Variants in RBM26 observed in about 807,000 individuals in gnomAD.
The protein encoded by RBM26 is RNA-binding protein 26.
A neutral mutation model predicts 123.6 loss-of-function variants in RBM26; 30 were observed. That is an observed-to-expected ratio of 0.24 (90% confidence interval 0.18 to 0.33). The LOEUF (loss-of-function observed/expected upper bound fraction) is 0.33, where lower values mean the gene tolerates loss of function less well. Ranked by LOEUF, RBM26 falls within the 10% of genes least tolerant of loss-of-function variation. The pLI is 1.00. For missense variants in RBM26, 947 were observed against 1,203.6 expected, an observed-to-expected ratio of 0.79 and a Z score of 3.15; for synonymous variants, 400 against 404.4, an observed-to-expected ratio of 0.99 and a Z score of 0.13.
At chr13:79,384,023 T>C (rs2077278979) in intron 1 of RBM26, among the ~76,000 whole-genome samples, 1 of 152,092 alleles carries the variant, frequency 6.6e-6, no homozygotes. Context: ...TTGACACATA[T>C]GAGGGACAGG....
chr13:79,346,391 A>G (rs1037587437), intron 14 of RBM26, among the ~76,000 whole-genome samples: 2 of 152,152 alleles, frequency 1.3e-5, no homozygotes, highest in Non-Finnish European at 2.9e-5. Flanking sequence ...CAATTATTAT[A>G]TTTGTGAGAC....
intron 9 of RBM26, among the ~76,000 whole-genome samples, chr13:79,361,883 C>G (rs2074729035): frequency 6.6e-6 from 1 of 152,090 alleles, no homozygotes; most frequent in East Asian, 1.9e-4. Flanking sequence ...TTCAGTGATT[C>G]TCAGTGGGGA....
chr13:79,319,970 T>C lies in RBM26; in HGVS notation c.*651A>G, dbSNP rs1267666446. The C allele has an allele frequency of 8.7e-6, 4 of 457,406 alleles. No individual in the cohort carries two copies. The highest frequency in any genetic ancestry group is 1.1e-5 in the Non-Finnish European group (4 of 371,430). The allele number at this position is 457,406 out of a possible 1,614,324, so 28.3% of individuals were successfully genotyped here. A position where few individuals can be genotyped will look rare whatever the true frequency, so the allele number is the denominator to read the frequency against. On this transcript the variant is annotated 3_prime_UTR_variant, in exon 22 of 22. Coordinates refer to ENST00000438737, the MANE Select transcript of RBM26 (RefSeq NM_001366735.2). Reference sequence around the variant, plus strand: ...TTGGCTTTTTTTTTTTTTTTTTTTTTGTCATTGCTTTTCTCTTTTCTTTCC... The same window carrying C: ...TTGGCTTTTTTTTTTTTTTTTTTTTCGTCATTGCTTTTCTCTTTTCTTTCC...
intron 14 of RBM26, among the ~76,000 whole-genome samples, chr13:79,345,882 C>T (rs1404204286): frequency 2.6e-5 from 4 of 151,928 alleles, no homozygotes; most frequent in African/African-American, 9.7e-5. Context: ...TCTTTTTTAT[C>T]CTTCAAAAGA....
chr13:79,363,548 G>A (rs755044192), intron 9 of RBM26, among the ~76,000 whole-genome samples: 11 of 152,108 alleles, frequency 7.2e-5, no homozygotes, highest in Non-Finnish European at 1.2e-4. Context: ...GGTACATGAT[G>A]TATCTAAAGA....
chr13:79,401,904 T>G (rs1043565790), intron 1 of RBM26, among the ~76,000 whole-genome samples: 1 of 152,242 alleles, frequency 6.6e-6, no homozygotes, highest in East Asian at 1.9e-4. Flanking sequence ...AGCACAACAC[T>G]AGGCATTTTG....
At chr13:79,392,042 C>T (rs1233647851) in intron 1 of RBM26, among the ~76,000 whole-genome samples, 5 of 93,834 alleles carry the variant, frequency 5.3e-5, no homozygotes, top group Non-Finnish European at 8.6e-5. Flanking sequence ...ATATATTATA[C>T]AATACATTAT....
At chr13:79,374,669 G>A (rs185027048) in intron 3 of RBM26, among the ~76,000 whole-genome samples, 12 of 151,138 alleles carry the variant, frequency 7.9e-5, no homozygotes, top group African/African-American at 2.4e-4. Flanking sequence ...ACAAAAAACC[G>A]GGTACTAATA....
chr13:79,378,892 T>C lies in RBM26; in HGVS notation c.87A>G (p.Pro29=), dbSNP rs1474738616. 4 of 1,606,408 alleles carry C rather than the reference T, an allele frequency of 2.5e-6. No individual in the cohort carries two copies. In the East Asian group the frequency reaches 8.9e-5, roughly 36 times the overall value. Residue 29 remains proline, a synonymous_variant, in exon 2 of 22, where the codon CCA becomes CCG. Coordinates refer to ENST00000438737, the MANE Select transcript of RBM26 (RefSeq NM_001366735.2). ...KTLEPICDAD[P]SALAKYVLAL... Reference sequence around the variant, plus strand: ...CCAGAACATATTTTGCTAGGGCGGATGGATCTGCATCACAGCTAAAGAAAA... The same window carrying C: ...CCAGAACATATTTTGCTAGGGCGGACGGATCTGCATCACAGCTAAAGAAAA...
At chr13:79,331,602 C>T (rs997702932) in intron 20 of RBM26, among the ~76,000 whole-genome samples, 8 of 151,516 alleles carry the variant, frequency 5.3e-5, no homozygotes, top group African/African-American at 1.9e-4. Flanking sequence ...CACCACTGCA[C>T]TCCAGCCTGG....
chr13:79,353,072 T>C (rs2073483354), intron 14 of RBM26, 81 bp downstream of exon 14: 3 of 786,482 alleles, frequency 3.8e-6, no homozygotes, highest in Admixed American at 5.6e-5. Flanking sequence ...AGTTTAGAAC[T>C]ATGAAAAAAA....
chr13:79,337,881 T>C (rs558430435), intron 18 of RBM26, among the ~76,000 whole-genome samples: 3 of 152,304 alleles, frequency 2.0e-5, no homozygotes, highest in Admixed American at 2.0e-4. Context: ...TGCAAGTCTT[T>C]ACCCTCATGA....
At chr13:79,363,994 G>T (rs573255588) in intron 9 of RBM26, among the ~76,000 whole-genome samples, 26 of 152,234 alleles carry the variant, frequency 1.7e-4, no homozygotes, top group Middle Eastern at 3.4e-3. Flanking sequence ...AGAAAAGAGG[G>T]TTTCTGTGAA....
chr13:79,389,606 G>A (rs1394280438), intron 1 of RBM26: 1 of 152,126 alleles, frequency 6.6e-6, no homozygotes, highest in Non-Finnish European at 1.5e-5. Context: ...GAGATCAGGG[G>A]TGTTCAGAGT....
chr13:79,388,403 T>C (rs576885250), intron 1 of RBM26, among the ~76,000 whole-genome samples: 1 of 152,340 alleles, frequency 6.6e-6, no homozygotes, highest in South Asian at 2.1e-4. Context: ...GCAAGCAACA[T>C]TCTTAAAAAG....
At chr13:79,356,369 CAAAAAAA>C (rs72305160) in intron 11 of RBM26, among the ~76,000 whole-genome samples, 1 of 83,512 alleles carries the variant, frequency 1.2e-5, no homozygotes, top group Non-Finnish European at 2.3e-5. Context: ...GACTCTGTCT[CAAAAAAA>C]AAAAAAAACA....
intron 20 of RBM26, among the ~76,000 whole-genome samples, chr13:79,329,740 T>C (rs1206353127): frequency 1.3e-5 from 2 of 152,140 alleles, no homozygotes; most frequent in East Asian, 1.9e-4. Context: ...ATGAACCTTA[T>C]CTAGATCCTT....
At chr13:79,370,188 T>C (rs9318635) in intron 5 of RBM26, among the ~76,000 whole-genome samples, 151,669 of 152,144 alleles carry the variant, frequency 1, 75,601 homozygotes, top group Non-Finnish European at 1. Context: ...TGGTGGCACT[T>C]GCCTGTAATC....
intron 1 of RBM26, 94 bp downstream of exon 1, chr13:79,405,610 C>T: frequency 1.2e-6 from 1 of 813,030 alleles, no homozygotes; most frequent in Non-Finnish European, 1.9e-6. Flanking sequence ...CCGCTTCGGC[C>T]TCCACCGCAG....
Sources: gnomAD v4.1 joint callset for allele counts (sites outside exome capture counted in the v4.1 genomes callset) on GRCh38, gnomAD v4.1.1 for gene constraint, MANE v1.5 for transcripts, NCBI Gene and HGNC (gene_info 2026-07-23, HGNC 2026-07-21) for gene names.